SLC6A6: variants seen among roughly 807,000 people sequenced by gnomAD.
The protein encoded by SLC6A6 is solute carrier family 6 member 6.
SLC6A6 carries 16 observed loss-of-function variants against 68.8 expected under a neutral mutation model. The observed-to-expected ratio is 0.23, with a 90% CI of 0.16 to 0.35. SLC6A6 has a LOEUF of 0.35. SLC6A6 is among the 10% of genes least tolerant of loss of function. The probability of loss-of-function intolerance (pLI) is 1.00; values close to 1 mark genes in which losing one functional copy is unlikely to be tolerated. For missense variants in SLC6A6, 474 were observed against 802.8 expected (o/e 0.59, Z 4.95); for synonymous variants, 312 against 315.4 (o/e 0.99, Z 0.12).
At chr3:14,406,638 G>A (rs1184429713) in intron 1 of SLC6A6, among the ~76,000 whole-genome samples, 1 of 152,178 alleles carries the variant, frequency 6.6e-6, no homozygotes, top group Non-Finnish European at 1.5e-5. Flanking sequence ...GGTGAGTTAT[G>A]CCAGTCCTGG....
intron 2 of SLC6A6, among the ~76,000 whole-genome samples, chr3:14,436,531 C>CTTTTTTTTTTTTTT (rs58996264): frequency 5.3e-5 from 6 of 112,582 alleles, no homozygotes; most frequent in Admixed American, 9.8e-5. Context: ...CAACAACTCC[C>CTTTTTTTTTTTTTT]TTTTTTTTTT....
chr3:14,447,266 A>ATCC, intron 4 of SLC6A6, among the ~76,000 whole-genome samples: 1 of 151,402 alleles, frequency 6.6e-6, no homozygotes, highest in African/African-American at 2.4e-5. Context: ...CCATCCATCC[A>ATCC]AACATCCAAC....
intron 6 of SLC6A6, among the ~76,000 whole-genome samples, chr3:14,463,308 C>T (rs377655147): frequency 6.6e-6 from 1 of 152,232 alleles, no homozygotes; most frequent in African/African-American, 2.4e-5. Context: ...TCTCAGTTGT[C>T]TGAGGATTAA....
chr3:14,430,144 G>T (rs980023141), intron 2 of SLC6A6, among the ~76,000 whole-genome samples: 15 of 152,272 alleles, frequency 9.9e-5, no homozygotes, highest in East Asian at 5.8e-4. Flanking sequence ...GGAGAAATAA[G>T]GTGGCAGAGA....
At chr3:14,444,957 T>C (rs1574938327) in intron 3 of SLC6A6, 1 of 399,332 alleles carries the variant, frequency 2.5e-6, no homozygotes. Flanking sequence ...CCTTACCACC[T>C]CACCCTTCCT....
chr3:14,434,815 G>A (rs967467619), intron 2 of SLC6A6, among the ~76,000 whole-genome samples: 8 of 152,126 alleles, frequency 5.3e-5, no homozygotes, highest in East Asian at 1.9e-4. Flanking sequence ...CAACTGGCAC[G>A]GTGGCACTCT....
chr3:14,431,136 A>C (rs1699715348), intron 2 of SLC6A6, among the ~76,000 whole-genome samples: 2 of 152,350 alleles, frequency 1.3e-5, no homozygotes, highest in South Asian at 2.1e-4. Context: ...TCATCTGTAG[A>C]GTTTTGACCA....
intron 6 of SLC6A6, among the ~76,000 whole-genome samples, chr3:14,465,822 G>C (rs1472574386): frequency 1.3e-5 from 2 of 152,226 alleles, no homozygotes; most frequent in Non-Finnish European, 2.9e-5. Flanking sequence ...CTTACTCTCT[G>C]ATTTTGCTTT....
At chr3:14,457,900 A>G (rs1465031307) in intron 5 of SLC6A6, 50 bp from the exon 6 acceptor site, 6 of 1,602,710 alleles carry the variant, frequency 3.7e-6, no homozygotes, top group East Asian at 2.2e-5. Flanking sequence ...GGCTCTCTCT[A>G]CTCCAGGGCC....
chr3:14,480,783 G>A (rs1338581504), intron 13 of SLC6A6, among the ~76,000 whole-genome samples: 2 of 152,246 alleles, frequency 1.3e-5, no homozygotes, highest in African/African-American at 4.8e-5. Flanking sequence ...AGAAGCAGAA[G>A]CCCCGGGAGC....
At chr3:14,470,779 C>T (rs922790061) in intron 9 of SLC6A6, among the ~76,000 whole-genome samples, 3 of 152,154 alleles carry the variant, frequency 2.0e-5, no homozygotes, top group Non-Finnish European at 2.9e-5. Context: ...GTCATCTCAC[C>T]GGGTCCTGGG....
At chr3:14,452,017 G>A (rs1700263063) in intron 5 of SLC6A6, among the ~76,000 whole-genome samples, 1 of 152,162 alleles carries the variant, frequency 6.6e-6, no homozygotes, top group Non-Finnish European at 1.5e-5. Flanking sequence ...GCTGGCAGGT[G>A]CTGCTGGCAG....
intron 6 of SLC6A6, 118 bp from the exon 7 acceptor site, chr3:14,466,398 C>T: frequency 8.3e-7 from 1 of 1,203,784 alleles, no homozygotes; most frequent in Non-Finnish European, 1.2e-6. Flanking sequence ...AGACAGCAAA[C>T]CTGGCTCCAG....
Position 14,456,238 on chromosome 3 carries a change from T to C in SLC6A6, c.600-1712T>C, listed in dbSNP as rs183017959. The stretch of plus-strand genomic sequence containing the variant: ...TTTATTTCGTCCATCAGCATTATCA[T>C]GTTGACATCCCTGGTGCCAGGGGGA... On this transcript the variant is annotated intron_variant, in intron 5 of 14. Coordinates refer to ENST00000622186, the MANE Select transcript of SLC6A6 (RefSeq NM_003043.6). 2.0e-5 allele frequency among the ~76,000 whole-genome samples: 3 copies of C among 152,372 alleles called. No homozygotes were observed. In the East Asian group the frequency reaches 5.8e-4, roughly 29 times the overall value.
At chr3:14,427,033 G>A (rs760918210) in intron 2 of SLC6A6, among the ~76,000 whole-genome samples, 60 of 152,232 alleles carry the variant, frequency 3.9e-4, no homozygotes, top group Non-Finnish European at 6.2e-4. Context: ...AGCACCCTGC[G>A]CTGTGCTGGA....
At position 14,477,077 on chromosome 3, in the gene SLC6A6, C is replaced by A; in HGVS notation, c.1210-128C>A. The A allele has an allele frequency of 1.2e-6, 1 of 864,078 alleles. No homozygotes were observed. The highest frequency in any genetic ancestry group is 1.8e-6 in the Non-Finnish European group (1 of 546,998). 53.5% of individuals were successfully genotyped at this position (864,078 alleles called of 1,614,324 possible). A position where few individuals can be genotyped will look rare whatever the true frequency, so the allele number is the denominator to read the frequency against. On this transcript the variant is annotated intron_variant, in intron 10 of 14. Coordinates refer to ENST00000622186, the MANE Select transcript of SLC6A6 (RefSeq NM_003043.6). The surrounding 1 kb of genome is among the most constrained non-coding windows in gnomAD (Gnocchi z 4.2). ...CACACTTGGACTTGATCTCACAGGC[C>A]AATTCTGGACACAAGGATGGTCACG...
chr3:14,460,452 G>A (rs764934911), intron 6 of SLC6A6, among the ~76,000 whole-genome samples: 6 of 152,050 alleles, frequency 3.9e-5, no homozygotes, highest in Non-Finnish European at 5.9e-5. Flanking sequence ...TGTGAAGGAA[G>A]TGAAGGGCTG....
chr3:14,443,777 T>G lies in SLC6A6; in HGVS notation c.143T>G (p.Ile48Ser), dbSNP rs369985102. ...CAGAGGGAGAAGTGGTCTAGCAAGA[T>G]CGACTTTGTGCTCTCTGTGGCTGGC... ...PPQREKWSSK[I>S]DFVLSVAGGF... The change falls in exon 3 of 15, where the codon ATC becomes AGC. Residue 48 changes from isoleucine (I) to serine (S), a missense_variant. Ile to Ser is a moderately radical substitution (Grantham distance 142). Around this residue, in one of 2 missense-constraint regions of SLC6A6, gnomAD observed 280 missense variants for 533.1 expected, o/e 0.53. Transcript: ENST00000622186. 1.9e-6 allele frequency: 3 copies of G among 1,613,952 alleles called. No individual in the cohort carries two copies. Among genetic ancestry groups the G allele is most frequent in the African/African-American group, 2.7e-5 (2 of 74,890 alleles).
Position 14,479,261 on chromosome 3 carries a change from T to C in SLC6A6, c.1551+76T>C, listed in dbSNP as rs977711138. On this transcript the variant is annotated intron_variant, in intron 13 of 14. Coordinates refer to ENST00000622186, the MANE Select transcript of SLC6A6 (RefSeq NM_003043.6). ...TGACATTTTCACCCGCTAAACCATC[T>C]TTCATGCAGCATCTGTTCAGCGTGG... 11 of 914,722 alleles carry C rather than the reference T, an allele frequency of 1.2e-5. No homozygotes were observed. The African/African-American group carries it at 1.6e-4, about 13-fold the overall frequency. The allele number at this position is 914,722 out of a possible 1,614,324, so 56.7% of individuals were successfully genotyped here.
Sources: gnomAD v4.1 joint callset for allele counts (sites outside exome capture counted in the v4.1 genomes callset) on GRCh38, gnomAD v4.1.1 for gene constraint, gnomAD v4.1.1 regional missense constraint, Gnocchi (gnomAD v3.1) non-coding constraint, MANE v1.5 for transcripts, NCBI Gene and HGNC (gene_info 2026-07-23, HGNC 2026-07-21) for gene names.